The following KCNQ3 variants were observed in gnomAD, a reference collection of about 807,000 sequenced individuals.
The protein encoded by KCNQ3 is potassium voltage-gated channel subfamily KQT member 3.
In KCNQ3, 30 loss-of-function variants were observed where a neutral mutation model predicts 92.5. The ratio of observed to expected loss-of-function variants is 0.32; its 90% CI spans 0.24 to 0.44. The LOEUF is 0.44. Among genes scored for constraint, KCNQ3 ranks in the 20% least tolerant of loss-of-function variants. KCNQ3 has a pLI of 1.00. For synonymous variants in KCNQ3, 450 were observed against 468.8 expected (o/e 0.96, Z 0.52); for missense variants, 913 against 1,140.3 (o/e 0.80, Z 2.87).
At chr8:132,152,306 C>G (rs1239751738) in intron 9 of KCNQ3, among the ~76,000 whole-genome samples, 1 of 152,082 alleles carries the variant, frequency 6.6e-6, no homozygotes, top group Admixed American at 6.5e-5. Context: ...TGGAATATTG[C>G]TGGGTTTTGT....
In KCNQ3 at chr8:132,124,515, C is replaced by CCTGT. The variant is rs112550767; in HGVS notation, c.*4746_*4747insACAG. On this transcript the variant is annotated 3_prime_UTR_variant, in exon 15 of 15. Transcript: ENST00000388996. ...TCTTCCAGGTCATCTCTGTATGATTCCTCTTTTACACTGCCATTACTGGCT... is the reference window on the plus strand; with the variant it reads ...TCTTCCAGGTCATCTCTGTATGATTCCTGTCTCTTTTACACTGCCATTACTGGCT... 61,514 of 151,728 alleles carry CCTGT rather than the reference C, an allele frequency of 0.41. 13,682 individuals are homozygous for CCTGT. Among genetic ancestry groups the CCTGT allele is most frequent in the Non-Finnish European group, 0.51 (34,617 of 67,820 alleles). 9.4% of individuals were successfully genotyped at this position (151,728 alleles called of 1,614,324 possible). A position where few individuals can be genotyped will look rare whatever the true frequency, so the allele number is the denominator to read the frequency against.
intron 1 of KCNQ3, among the ~76,000 whole-genome samples, chr8:132,297,369 T>C (rs960637925): frequency 6.6e-5 from 10 of 152,182 alleles, no homozygotes; most frequent in Non-Finnish European, 1.5e-4. Flanking sequence ...GTAGTTTCTT[T>C]TGCTGTGCAG....
chr8:132,235,307 A>G (rs1318747204), intron 1 of KCNQ3, among the ~76,000 whole-genome samples: 1 of 152,168 alleles, frequency 6.6e-6, no homozygotes, highest in South Asian at 2.1e-4. Flanking sequence ...GTTCGAGACC[A>G]GCCTGACCAA....
intron 1 of KCNQ3, among the ~76,000 whole-genome samples, chr8:132,412,646 C>T (rs1047831618): frequency 6.6e-6 from 1 of 152,120 alleles, no homozygotes; most frequent in Non-Finnish European, 1.5e-5. Flanking sequence ...GGAAGAAACC[C>T]GGCAAACTCC....
At chr8:132,455,816 A>G (rs1282671927) in intron 1 of KCNQ3, among the ~76,000 whole-genome samples, 1 of 151,998 alleles carries the variant, frequency 6.6e-6, no homozygotes, top group Non-Finnish European at 1.5e-5. Flanking sequence ...ATCTCGGATC[A>G]CTGCAAGCTC....
chr8:132,480,108 C>T lies in KCNQ3; in HGVS notation c.386+39G>A, dbSNP rs548645895. 31 of 1,591,006 alleles carry T rather than the reference C, an allele frequency of 1.9e-5. No homozygotes were observed. The South Asian group carries it at 2.8e-4, about 14-fold the overall frequency. ...AGCCCCGACCCCAAGTCCCCAAGCG[C>T]GCCGCCGCCGAGGGCGCCCCGAGCG... is the stretch of plus-strand genomic sequence containing the variant. On this transcript the variant is annotated intron_variant, in intron 1 of 14. Coordinates refer to ENST00000388996, the MANE Select transcript of KCNQ3 (RefSeq NM_004519.4).
intron 1 of KCNQ3, among the ~76,000 whole-genome samples, chr8:132,472,077 T>C (rs1056505806): frequency 1.3e-5 from 2 of 152,142 alleles, no homozygotes; most frequent in Non-Finnish European, 1.5e-5. Context: ...CTTACCCTAG[T>C]TAGAATGGTC....
At chr8:132,293,990 T>C (rs1352439389) in intron 1 of KCNQ3, among the ~76,000 whole-genome samples, 1 of 140,872 alleles carries the variant, frequency 7.1e-6, no homozygotes, top group East Asian at 2.2e-4. Context: ...GGGTTTTTTG[T>C]GTGTGTGTGG....
In KCNQ3 at chr8:132,122,103, G is replaced by C. The variant is rs1232387910; in HGVS notation, c.*7159C>G. On this transcript the variant is annotated 3_prime_UTR_variant, in exon 15 of 15. Coordinates refer to ENST00000388996, the MANE Select transcript of KCNQ3 (RefSeq NM_004519.4). ...AGGGCCTGATTTGAGAGGAAGAAGG[G>C]GGAGAGAGAATGAGCTTTCCAGGTA... is the stretch of plus-strand genomic sequence containing the variant. 6.6e-6 allele frequency: 1 copy of C among 152,318 alleles called. No homozygotes were observed. Among genetic ancestry groups the C allele is most frequent in the Admixed American group, 6.5e-5 (1 of 15,300 alleles). 9.4% of individuals were successfully genotyped at this position (152,318 alleles called of 1,614,324 possible). A position where few individuals can be genotyped will look rare whatever the true frequency, so the allele number is the denominator to read the frequency against.
At chr8:132,244,150 TATG>T (rs769414433) in intron 1 of KCNQ3, among the ~76,000 whole-genome samples, 10 of 152,198 alleles carry the variant, frequency 6.6e-5, no homozygotes, top group Non-Finnish European at 1.2e-4. Context: ...TCTGAAACTT[TATG>T]ATGATTTATC....
intron 1 of KCNQ3, among the ~76,000 whole-genome samples, chr8:132,452,949 CT>C (rs917382631): frequency 6.6e-6 from 1 of 152,160 alleles, no homozygotes; most frequent in African/African-American, 2.4e-5. Context: ...AAACATGTAA[CT>C]TACAGATTAT....
intron 1 of KCNQ3, among the ~76,000 whole-genome samples, chr8:132,235,856 T>C (rs934959849): frequency 4.6e-5 from 7 of 152,208 alleles, no homozygotes; most frequent in African/African-American, 1.7e-4. Context: ...GTTAGCACCT[T>C]TCTAAGCGGC....
chr8:132,356,706 G>A (rs748635379), intron 1 of KCNQ3, among the ~76,000 whole-genome samples: 2 of 152,222 alleles, frequency 1.3e-5, no homozygotes, highest in Non-Finnish European at 2.9e-5. Context: ...GAAAGGGACT[G>A]TGATTAATGC....
In KCNQ3 at chr8:132,265,295, T is replaced by G. The variant is rs563511029; in HGVS notation, c.387-79114A>C. ...TCTGCATTTCCAAACAGGAAATTCA[T>G]ATTTGCTTGTAATGGCAAGGCCATC... On this transcript the variant is annotated intron_variant, in intron 1 of 14. Coordinates refer to ENST00000388996, the MANE Select transcript of KCNQ3 (RefSeq NM_004519.4). Among the ~76,000 whole-genome samples the G allele has an allele frequency of 8.5e-5, 13 of 152,378 alleles. No homozygotes were observed. The South Asian group carries it at 2.7e-3, about 32-fold the overall frequency.
rs1827431987 is a variant in KCNQ3 at position 132,200,694 on chromosome 8, C to G, written c.387-14513G>C. 2.0e-5 allele frequency among the ~76,000 whole-genome samples: 3 copies of G among 152,178 alleles called. No homozygotes were observed. In the South Asian group the frequency reaches 6.2e-4, roughly 32 times the overall value. On this transcript the variant is annotated intron_variant, in intron 1 of 14. Coordinates refer to ENST00000388996, the MANE Select transcript of KCNQ3 (RefSeq NM_004519.4). ...AATTACGAATAAAATTAGCTTAGGG[C>G]CTGCAGTTTAAGCTTCTTTAGTACT...
intron 1 of KCNQ3, among the ~76,000 whole-genome samples, chr8:132,356,615 T>C (rs1486142142): frequency 1.3e-5 from 2 of 152,220 alleles, no homozygotes; most frequent in Non-Finnish European, 2.9e-5. Context: ...TCCTGATGTA[T>C]AATTATCGGC....
At chr8:132,392,205 G>A (rs923958162) in intron 1 of KCNQ3, among the ~76,000 whole-genome samples, 1 of 152,102 alleles carries the variant, frequency 6.6e-6, no homozygotes, top group African/African-American at 2.4e-5. Context: ...CAGCTCTGGG[G>A]TCAATTTTAT....
intron 1 of KCNQ3, among the ~76,000 whole-genome samples, chr8:132,396,268 A>T (rs1442046908): frequency 6.6e-6 from 1 of 152,164 alleles, no homozygotes; most frequent in Non-Finnish European, 1.5e-5. Context: ...GTTTCCATGG[A>T]GCATCAATTC....
intron 1 of KCNQ3, among the ~76,000 whole-genome samples, chr8:132,429,611 A>C (rs1821196230): frequency 6.6e-6 from 1 of 152,184 alleles, no homozygotes; most frequent in Non-Finnish European, 1.5e-5. Flanking sequence ...CTGTAATCCC[A>C]GCACGTTGGG....
Sources: gnomAD v4.1 joint callset for allele counts (sites outside exome capture counted in the v4.1 genomes callset) on GRCh38, gnomAD v4.1.1 for gene constraint, MANE v1.5 for transcripts, NCBI Gene and HGNC (gene_info 2026-07-23, HGNC 2026-07-21) for gene names.